E2F4: variants seen among roughly 807,000 people sequenced by gnomAD.
E2F4 encodes the protein E2F transcription factor 4.
Under a neutral mutation model 44.5 loss-of-function variants are expected in E2F4, and 16 were observed. The ratio of observed to expected loss-of-function variants is 0.36; its 90% CI spans 0.24 to 0.55. E2F4 has a LOEUF of 0.55. Ranked by LOEUF, E2F4 falls within the 20% of genes least tolerant of loss-of-function variation. The pLI is 0.87. For missense variants in E2F4, 473 were observed against 522.1 expected, an observed-to-expected ratio of 0.91 and a Z score of 0.92; for synonymous variants, 242 against 207.2, an observed-to-expected ratio of 1.17 and a Z score of -1.44.
chr16:67,194,587 T>G, intron 5 of E2F4, 99 bp from the exon 6 acceptor site: 3 of 1,569,272 alleles, frequency 1.9e-6, no homozygotes, highest in Non-Finnish European at 2.6e-6. Flanking sequence ...ATGGGCATCC[T>G]GGGTGGGAGA....
Position 67,192,558 on chromosome 16 carries a change from C to T in E2F4, c.135+196C>T, listed in dbSNP as rs28524872. Reference sequence around the variant, plus strand: ...GCTACAGCTATGGGCCAGGCTCGGGCTGCAGGTGTTCGTCCTCGTGGCCCT... The same window carrying T: ...GCTACAGCTATGGGCCAGGCTCGGGTTGCAGGTGTTCGTCCTCGTGGCCCT... On this transcript the variant is annotated intron_variant, in intron 1 of 9. Coordinates refer to ENST00000379378, the MANE Select transcript of E2F4 (RefSeq NM_001950.4). 5 of 1,007,322 alleles carry T rather than the reference C, an allele frequency of 5.0e-6. No homozygotes were observed. The African/African-American group carries it at 6.5e-5, about 13-fold the overall frequency. 62.4% of individuals were successfully genotyped at this position (1,007,322 alleles called of 1,614,324 possible).
At chr16:67,193,410 T>A (rs1208167920) in intron 3 of E2F4, 62 bp from the exon 4 acceptor site, 9 of 1,600,242 alleles carry the variant, frequency 5.6e-6, no homozygotes, top group Non-Finnish European at 7.7e-6. Context: ...AAGAATTGGG[T>A]CTTTTCTGTA....
intron 4 of E2F4, 43 bp downstream of exon 4, chr16:67,193,558 A>G: frequency 6.2e-7 from 1 of 1,608,702 alleles, no homozygotes; most frequent in Non-Finnish European, 8.5e-7. Flanking sequence ...GGCTGGGCTC[A>G]GCCAAAGTCC....
rs754082976 is a variant in E2F4 at position 67,192,184 on chromosome 16, C to CGGCCTGGCCT, written c.-35_-26dup. 7 of 1,161,186 alleles carry CGGCCTGGCCT rather than the reference C, an allele frequency of 6.0e-6. No homozygotes were observed. The highest frequency in any genetic ancestry group is 4.9e-5 in the African/African-American group (3 of 61,518). 71.9% of individuals were successfully genotyped at this position (1,161,186 alleles called of 1,614,324 possible). On this transcript the variant is annotated 5_prime_UTR_variant, in exon 1 of 10. Coordinates refer to ENST00000379378, the MANE Select transcript of E2F4 (RefSeq NM_001950.4). ...ACGGAAGCGGAAGTGGCGGCGGCGC[C>CGGCCTGGCCT]GGCCTGGCCTGGCCTGGCTGAGGGG...
rs779695042 is a variant in E2F4, at chr16:67,198,162, G to A, written c.*39G>A. 1.9e-6 allele frequency: 3 copies of A among 1,590,650 alleles called. No homozygotes were observed. The highest frequency in any genetic ancestry group is 1.7e-6 in the Non-Finnish European group (2 of 1,161,360). On this transcript the variant is annotated 3_prime_UTR_variant, in exon 10 of 10. Transcript: ENST00000379378. ...GCCCTGTGTGGCTGGGACCCAGACTGTCTGACCTGGGGGTTGCCTGGGGAC... is the reference window on the plus strand; with the variant it reads ...GCCCTGTGTGGCTGGGACCCAGACTATCTGACCTGGGGGTTGCCTGGGGAC...
rs762617732 is a variant in E2F4 at position 67,193,263 on chromosome 16, A to G, written c.407+93A>G. On this transcript the variant is annotated intron_variant, in intron 3 of 9. Coordinates refer to ENST00000379378, the MANE Select transcript of E2F4 (RefSeq NM_001950.4). ...CCTGTTCCTCTTGGGAGTTTGTCTT[A>G]TAGCCACTGGCCATGGCCCAGCCTC... The G allele has an allele frequency of 5.9e-6, 9 of 1,525,180 alleles. No homozygotes were observed. In the African/African-American group the frequency reaches 8.2e-5, roughly 14 times the overall value. The allele number at this position is 1,525,180 out of a possible 1,614,324, so 94.5% of individuals were successfully genotyped here. A position where few individuals can be genotyped will look rare whatever the true frequency, so the allele number is the denominator to read the frequency against.
chr16:67,198,853 T>C lies in E2F4; in HGVS notation c.*730T>C, dbSNP rs2033022016. ...TATATAAAGATTATTTTTATACTTT[T>C]TGCAGCAAAAGGAAATTGTAATATT... On this transcript the variant is annotated 3_prime_UTR_variant, in exon 10 of 10. Transcript: ENST00000379378. The C allele has an allele frequency of 2.5e-6, 1 of 398,910 alleles. No individual in the cohort carries two copies. Among genetic ancestry groups the C allele is most frequent in the Non-Finnish European group, 4.5e-6 (1 of 222,406 alleles). The allele number at this position is 398,910 out of a possible 1,614,324, so 24.7% of individuals were successfully genotyped here.
In E2F4 at chr16:67,195,890, ACAGCAGCAG is replaced by A. The variant is rs3830472; in HGVS notation, c.950_958del (p.Ser317_Ser319del). Reference sequence around the variant, plus strand: ...CCACTGCAGTCTTCTGCCCTGCTGGACAGCAGCAGCAGCAGCAGCAGCAGCAGCAGCAGC... The same window carrying A: ...CCACTGCAGTCTTCTGCCCTGCTGGACAGCAGCAGCAGCAGCAGCAGCAGC... On this transcript the variant is annotated inframe_deletion, in exon 7 of 10. Transcript: ENST00000379378. The A allele has an allele frequency of 2.9e-3, 4,692 of 1,608,046 alleles. 27 individuals are homozygous for A. In the African/African-American group the frequency reaches 0.033, roughly 11 times the overall value.
At position 67,198,830 on chromosome 16, in the gene E2F4, TATAA is replaced by T; in HGVS notation, c.*709_*712del. The T allele has an allele frequency of 2.9e-6, 1 of 341,290 alleles. No individual in the cohort carries two copies. Among genetic ancestry groups the T allele is most frequent in the East Asian group, 5.4e-5 (1 of 18,388 alleles). The allele number at this position is 341,290 out of a possible 1,614,324, so 21.1% of individuals were successfully genotyped here. On this transcript the variant is annotated 3_prime_UTR_variant, in exon 10 of 10. Coordinates refer to ENST00000379378, the MANE Select transcript of E2F4 (RefSeq NM_001950.4). ...ATTTACAGTAACGAATGGATTCCTA[TATAA>T]AGATTATTTTTATACTTTTTGCAGC...
At chr16:67,196,217 T>TC (rs1336756759) in intron 7 of E2F4, among the ~76,000 whole-genome samples, 2 of 152,180 alleles carry the variant, frequency 1.3e-5, no homozygotes, top group African/African-American at 4.8e-5. Flanking sequence ...TCAAGCCCTT[T>TC]CCTGCCACCC....
chr16:67,193,769 C>T (rs1390872939), intron 4 of E2F4, among the ~76,000 whole-genome samples: 1 of 152,038 alleles, frequency 6.6e-6, no homozygotes, highest in Non-Finnish European at 1.5e-5. Context: ...CTGGATTTGG[C>T]TTCTTGGGTA....
At position 67,193,579 on chromosome 16, in the gene E2F4, G is replaced by T. The variant is rs1160164238; in HGVS notation, c.451+64G>T. On this transcript the variant is annotated intron_variant, in intron 4 of 9. Coordinates refer to ENST00000379378, the MANE Select transcript of E2F4 (RefSeq NM_001950.4). ...GCTCAGCCAAAGTCCTGAGCACTGGGCTCAGTGTCTTAGGAGAGTTCTGTC... is the reference window on the plus strand; with the variant it reads ...GCTCAGCCAAAGTCCTGAGCACTGGTCTCAGTGTCTTAGGAGAGTTCTGTC... The T allele has an allele frequency of 1.9e-6, 3 of 1,550,878 alleles. No individual in the cohort carries two copies. The Admixed American group carries it at 5.0e-5, about 26-fold the overall frequency.
At position 67,198,044 on chromosome 16, in the gene E2F4, G is replaced by A; in HGVS notation, c.1163G>A (p.Gly388Glu). 6.2e-7 allele frequency: 1 copy of A among 1,614,110 alleles called. No homozygotes were observed. The highest frequency in any genetic ancestry group is 8.5e-7 in the Non-Finnish European group (1 of 1,180,006). The change falls in exon 10 of 10, where the codon GGA becomes GAA. Residue 388 changes from glycine to glutamate, a missense_variant. This residue lies in a region of E2F4 where 314 missense variants were observed against 315.6 expected (regional missense o/e 0.99). Coordinates refer to ENST00000379378, the MANE Select transcript of E2F4 (RefSeq NM_001950.4). ...CTGCTTCGTCTTTCTCCACCCCCGG[G>A]AGACCACGATTATATCTACAACCTG... Reference protein sequence around the residue: ...APLLRLSPPPGDHDYIYNLDE... With the variant: ...APLLRLSPPPEDHDYIYNLDE...
intron 4 of E2F4, 173 bp from the exon 5 acceptor site, chr16:67,194,225 C>T (rs3730397): frequency 0.043 from 27,536 of 640,338 alleles, 1,373 homozygotes; most frequent in African/African-American, 0.2. Context: ...TGACCCTGGG[C>T]TCTCAGGAAG....
chr16:67,198,368 C>G lies in E2F4; in HGVS notation c.*245C>G. The G allele has an allele frequency of 2.0e-6, 1 of 503,966 alleles. No homozygotes were observed. The highest frequency in any genetic ancestry group is 2.3e-5 in the South Asian group (1 of 44,246). 31.2% of individuals were successfully genotyped at this position (503,966 alleles called of 1,614,324 possible). ...AGCCAAAGTGTTTGCTTCTCCCTTT[C>G]TGCGGCCTTCGCCAGCCCAGGCTCG... On this transcript the variant is annotated 3_prime_UTR_variant, in exon 10 of 10. Coordinates refer to ENST00000379378, the MANE Select transcript of E2F4 (RefSeq NM_001950.4).
rs1040651054 is a variant in E2F4 at position 67,198,623 on chromosome 16, C to T, written c.*500C>T. 1 of 176,718 alleles carries T rather than the reference C, an allele frequency of 5.7e-6. No homozygotes were observed. The highest frequency in any genetic ancestry group is 2.4e-5 in the African/African-American group (1 of 41,848). 10.9% of individuals were successfully genotyped at this position (176,718 alleles called of 1,614,324 possible). The stretch of plus-strand genomic sequence containing the variant: ...TCTCACGTGCCCACTTCTGCTGGGC[C>T]TTTAGCCCTAGAACCTGCAGGTGGT... On this transcript the variant is annotated 3_prime_UTR_variant, in exon 10 of 10. Transcript: ENST00000379378.
At chr16:67,192,531 G>T in intron 1 of E2F4, 169 bp downstream of exon 1, 8 of 1,110,134 alleles carry the variant, frequency 7.2e-6, no homozygotes, top group Non-Finnish European at 9.7e-6. Context: ...CGAGGCCATC[G>T]AGCTACAGCT....
At position 67,192,782 on chromosome 16, in the gene E2F4, C is replaced by T. The variant is rs1322368578; in HGVS notation, c.157C>T (p.Arg53Cys). The T allele has an allele frequency of 9.9e-6, 16 of 1,611,872 alleles. No individual in the cohort carries two copies. The highest frequency in any genetic ancestry group is 1.3e-5 in the Non-Finnish European group (15 of 1,178,904). ...CCAGGCAGCTGACACCCTAGCTGTA[C>T]GCCAGAAGCGGCGGATTTACGACAT... is the stretch of plus-strand genomic sequence containing the variant. ...LKLAADTLAV[R>C]QKRRIYDITN... is the part of the protein sequence containing the mutation. Residue 53 changes from arginine (R) to cysteine (C), a missense_variant, in exon 2 of 10, where the codon CGC becomes TGC. Physicochemically the swap from Arg to Cys is radical, Grantham distance 180. This residue lies in a region of E2F4 where 119 missense variants were observed against 175.6 expected (regional missense o/e 0.68). Coordinates refer to ENST00000379378, the MANE Select transcript of E2F4 (RefSeq NM_001950.4).
chr16:67,196,548 C>T (rs1481732084), intron 7 of E2F4, among the ~76,000 whole-genome samples: 2 of 152,206 alleles, frequency 1.3e-5, no homozygotes, highest in Non-Finnish European at 2.9e-5. Flanking sequence ...GAACTCTTCC[C>T]TGGCGTGTCC....
Sources: gnomAD v4.1 joint callset for allele counts (sites outside exome capture counted in the v4.1 genomes callset) on GRCh38, gnomAD v4.1.1 for gene constraint, gnomAD v4.1.1 regional missense constraint, MANE v1.5 for transcripts, NCBI Gene and HGNC (gene_info 2026-07-23, HGNC 2026-07-21) for gene names.